Variants in LNPK observed in about 807,000 individuals in gnomAD.
LNPK encodes endoplasmic reticulum junction formation protein lunapark.
In LNPK, 29 loss-of-function variants were observed where a neutral mutation model predicts 55.2. The observed-to-expected ratio is 0.53, with a 90% confidence interval of 0.39 to 0.72. LNPK has a LOEUF of 0.72. Among genes scored for constraint, LNPK ranks in the 30% least tolerant of loss-of-function variants. The pLI is 0.00. For missense variants in LNPK, 467 were observed against 494.8 expected (o/e 0.94, Z 0.53); for synonymous variants, 162 against 168.2 (o/e 0.96, Z 0.29).
At chr2:175,956,814 T>G (rs1685717735) in intron 8 of LNPK, among the ~76,000 whole-genome samples, 2 of 152,210 alleles carry the variant, frequency 1.3e-5, no homozygotes, top group South Asian at 4.2e-4. Flanking sequence ...CTTCAGCTCC[T>G]GGCCCCCTTA....
intron 1 of LNPK, among the ~76,000 whole-genome samples, chr2:176,001,294 G>A (rs1688150386): frequency 6.6e-6 from 1 of 152,036 alleles, no homozygotes; most frequent in South Asian, 2.1e-4. Context: ...TGTCAATGCT[G>A]ACACCCAGGC....
chr2:175,934,026 C>T (rs769308675), intron 12 of LNPK, among the ~76,000 whole-genome samples: 2 of 152,048 alleles, frequency 1.3e-5, no homozygotes, highest in Non-Finnish European at 2.9e-5. Flanking sequence ...CCGTGCCTGG[C>T]CAAGAGTTTA....
intron 8 of LNPK, among the ~76,000 whole-genome samples, chr2:175,956,639 T>C (rs1559044291): frequency 6.6e-6 from 1 of 152,190 alleles, no homozygotes; most frequent in Non-Finnish European, 1.5e-5. Flanking sequence ...TGAAGAACCA[T>C]AAAACACAGG....
intron 6 of LNPK, among the ~76,000 whole-genome samples, chr2:175,965,542 G>T (rs1686282849): frequency 6.6e-6 from 1 of 152,030 alleles, no homozygotes. Flanking sequence ...TCATTCCAAA[G>T]GACATTTATT....
At chr2:175,937,736 A>C in intron 11 of LNPK, 1 of 379,894 alleles carries the variant, frequency 2.6e-6, no homozygotes, top group Non-Finnish European at 4.7e-6. Context: ...CAGAAAAGGC[A>C]TAACAGGTTA....
chr2:175,956,143 G>A lies in LNPK; in HGVS notation c.493+8229C>T, dbSNP rs188784768. Among the ~76,000 whole-genome samples the A allele has an allele frequency of 2.4e-3, 366 of 152,042 alleles. 1 individual carries two copies. Among genetic ancestry groups the A allele is most frequent in the African/African-American group, 8.0e-3 (330 of 41,444 alleles). ...AAAAGTTAAAAAATTAGCTGGGCACGGTGGTACATACTCGTAGTCCCAGCT... is the reference window on the plus strand; with the variant it reads ...AAAAGTTAAAAAATTAGCTGGGCACAGTGGTACATACTCGTAGTCCCAGCT... On this transcript the variant is annotated intron_variant, in intron 8 of 12. Transcript: ENST00000272748.
At chr2:175,985,211 GATGTGT>G (rs1313862225) in intron 4 of LNPK, among the ~76,000 whole-genome samples, 1 of 152,212 alleles carries the variant, frequency 6.6e-6, no homozygotes, top group Non-Finnish European at 1.5e-5. Flanking sequence ...AGTGGAGGAA[GATGTGT>G]ATGGCTATAA....
At chr2:175,958,952 A>G (rs1364506158) in intron 8 of LNPK, among the ~76,000 whole-genome samples, 2 of 152,250 alleles carry the variant, frequency 1.3e-5, no homozygotes, top group Non-Finnish European at 2.9e-5. Flanking sequence ...CGATTTCATC[A>G]AACAGAAGAA....
intron 2 of LNPK, among the ~76,000 whole-genome samples, chr2:175,993,627 T>C (rs1404903812): frequency 6.6e-6 from 1 of 151,996 alleles, no homozygotes; most frequent in Non-Finnish European, 1.5e-5. Context: ...CCAACTGGTC[T>C]ACTAAAAATC....
intron 4 of LNPK, among the ~76,000 whole-genome samples, chr2:175,985,938 A>G (rs1479096906): frequency 6.6e-6 from 1 of 152,250 alleles, no homozygotes; most frequent in Non-Finnish European, 1.5e-5. Context: ...GGGGTGAGCT[A>G]GGTGAGGGTA....
intron 6 of LNPK, 124 bp downstream of exon 6, chr2:175,970,640 C>A (rs2105652617): frequency 6.5e-6 from 3 of 460,688 alleles, no homozygotes; most frequent in East Asian, 1.2e-4. Context: ...TTCACTTCAT[C>A]ATTAAAATGC....
chr2:175,978,707 T>C (rs982575275), intron 5 of LNPK, among the ~76,000 whole-genome samples: 1 of 152,230 alleles, frequency 6.6e-6, no homozygotes, highest in African/African-American at 2.4e-5. Flanking sequence ...GGTGAGCATG[T>C]TGTATGATTT....
chr2:175,927,208 C>T lies in LNPK; in HGVS notation c.*2759G>A, dbSNP rs947369317. ...AGAGAATATTCAATGTCAATACTGC[C>T]AAGCAGTGAAACAAGAACTGAGAGT... On this transcript the variant is annotated 3_prime_UTR_variant, in exon 13 of 13. Coordinates refer to ENST00000272748, the MANE Select transcript of LNPK (RefSeq NM_030650.3). 1 of 152,148 alleles carries T rather than the reference C, an allele frequency of 6.6e-6. No homozygotes were observed. The highest frequency in any genetic ancestry group is 2.4e-5 in the African/African-American group (1 of 41,422). 9.4% of individuals were successfully genotyped at this position (152,148 alleles called of 1,614,324 possible). A position where few individuals can be genotyped will look rare whatever the true frequency, so the allele number is the denominator to read the frequency against.
At chr2:175,985,432 C>T (rs906015567) in intron 4 of LNPK, among the ~76,000 whole-genome samples, 1 of 152,160 alleles carries the variant, frequency 6.6e-6, no homozygotes, top group Non-Finnish European at 1.5e-5. Context: ...ATATGAAAGA[C>T]GTTGGTCTGT....
At chr2:175,959,265 T>G (rs1180308707) in intron 8 of LNPK, among the ~76,000 whole-genome samples, 2 of 152,064 alleles carry the variant, frequency 1.3e-5, no homozygotes, top group Admixed American at 6.6e-5. Flanking sequence ...CACGTAATTG[T>G]CAGATTCACC....
chr2:175,947,873 A>T (rs891056579), intron 8 of LNPK, among the ~76,000 whole-genome samples, 181 bp from the exon 9 acceptor site: 1 of 152,222 alleles, frequency 6.6e-6, no homozygotes, highest in African/African-American at 2.4e-5. Flanking sequence ...CTGAACTTAC[A>T]GTTCAACTGT....
At chr2:175,943,402 G>A (rs1684956907) in intron 9 of LNPK, among the ~76,000 whole-genome samples, 3 of 151,754 alleles carry the variant, frequency 2.0e-5, no homozygotes, top group South Asian at 4.1e-4. Flanking sequence ...AAATGAAACC[G>A]ACATAACTCT....
chr2:175,941,941 A>G (rs1684871408), intron 9 of LNPK, among the ~76,000 whole-genome samples: 1 of 152,052 alleles, frequency 6.6e-6, no homozygotes. Context: ...ACGATGAAAC[A>G]GTATGTTTAA....
chr2:175,966,397 A>C (rs544980907), intron 6 of LNPK, among the ~76,000 whole-genome samples: 2 of 152,320 alleles, frequency 1.3e-5, no homozygotes, highest in East Asian at 3.9e-4. Flanking sequence ...ATGTAAATGT[A>C]AACAGTCATA....
Sources: allele counts gnomAD v4.1 joint callset (sites outside exome capture counted in the v4.1 genomes callset), GRCh38; gene constraint gnomAD v4.1.1; transcripts MANE v1.5; gene names NCBI Gene and HGNC (gene_info 2026-07-23, HGNC 2026-07-21).